SP140L: variants seen among roughly 807,000 people sequenced by gnomAD.
SP140L encodes the protein SP140 like nuclear body protein.
SP140L carries 64 observed loss-of-function variants against 84.3 expected under a neutral mutation model. The observed-to-expected ratio is 0.76, with a 90% CI of 0.62 to 0.94. The LOEUF is 0.94. Ranked by LOEUF, SP140L falls within the 40% of genes least tolerant of loss-of-function variation. The probability of loss-of-function intolerance (pLI) is 0.00; values close to 1 mark genes in which losing one functional copy is unlikely to be tolerated. For synonymous variants in SP140L, 242 were observed against 236.9 expected (o/e 1.02, Z -0.20); for missense variants, 628 against 692.5 (o/e 0.91, Z 1.05).
intron 14 of SP140L, among the ~76,000 whole-genome samples, chr2:230,398,672 GAGA>G (rs1246234671): frequency 6.6e-6 from 1 of 152,232 alleles, no homozygotes; most frequent in African/African-American, 2.4e-5. Flanking sequence ...CAGATCACGG[GAGA>G]AGGATTTCAC....
chr2:230,387,784 C>T (rs962511829), intron 9 of SP140L, among the ~76,000 whole-genome samples: 1 of 152,324 alleles, frequency 6.6e-6, no homozygotes, highest in South Asian at 2.1e-4. Context: ...GCAGTGTCTG[C>T]CATGTCAATC....
chr2:230,354,869 G>GA (rs1281592038), intron 2 of SP140L, among the ~76,000 whole-genome samples: 3 of 112,658 alleles, frequency 2.7e-5, no homozygotes, highest in East Asian at 6.6e-4. Flanking sequence ...AAGAAAGAAA[G>GA]AAAGAAAGAA....
Position 230,393,461 on chromosome 2 carries a change from G to A in SP140L, c.1155G>A (p.Lys385=), listed in dbSNP as rs1416422843. 8 of 1,570,986 alleles carry A rather than the reference G, an allele frequency of 5.1e-6. No individual in the cohort carries two copies. The highest frequency in any genetic ancestry group is 6.9e-6 in the Non-Finnish European group (8 of 1,161,084). Residue 385 remains lysine, a splice_region_variant and synonymous_variant, in exon 13 of 19, where the codon AAG becomes AAA. Coordinates refer to ENST00000415673, the MANE Select transcript of SP140L (RefSeq NM_138402.6). ...NPPRIYYRNK[K]RILKSQNNSS... is the part of the protein sequence containing the mutation. Reference sequence around the variant, plus strand: ...CAAGAATATATTACAGGAACAAAAAGGTGATTATTACATAATTTTCTACAG... The same window carrying A: ...CAAGAATATATTACAGGAACAAAAAAGTGATTATTACATAATTTTCTACAG...
intron 5 of SP140L, among the ~76,000 whole-genome samples, chr2:230,369,914 C>T (rs959096562): frequency 2.6e-5 from 4 of 152,024 alleles, no homozygotes; most frequent in South Asian, 4.1e-4. Flanking sequence ...GCTGGGATTA[C>T]AGGCGCACGC....
chr2:230,363,072 A>C (rs1157872505), intron 5 of SP140L, among the ~76,000 whole-genome samples: 5 of 152,154 alleles, frequency 3.3e-5, no homozygotes, highest in African/African-American at 1.2e-4. Flanking sequence ...TTGAGGTATT[A>C]AGTGCATTTT....
intron 2 of SP140L, among the ~76,000 whole-genome samples, chr2:230,356,186 G>T (rs988291319): frequency 6.6e-6 from 1 of 152,140 alleles, no homozygotes; most frequent in Non-Finnish European, 1.5e-5. Flanking sequence ...TGCAAAAACA[G>T]TTTGGCAGGT....
In SP140L at chr2:230,403,244, C is replaced by G. The variant is rs1335389288; in HGVS notation, c.*348C>G. On this transcript the variant is annotated 3_prime_UTR_variant, in exon 19 of 19. Transcript: ENST00000415673. The stretch of plus-strand genomic sequence containing the variant: ...TTGAGATGGAGTCTCACACAGTCAC[C>G]CGGGATTGGAATGCAATGGCGCGAT... The G allele has an allele frequency of 2.2e-5, 4 of 184,132 alleles. No homozygotes were observed. 11.4% of individuals were successfully genotyped at this position (184,132 alleles called of 1,614,324 possible).
Position 230,402,924 on chromosome 2 carries a change from A to C in SP140L, c.*28A>C. 1 of 1,570,784 alleles carries C rather than the reference A, an allele frequency of 6.4e-7. No homozygotes were observed. Among genetic ancestry groups the C allele is most frequent in the Non-Finnish European group, 8.7e-7 (1 of 1,153,264 alleles). On this transcript the variant is annotated 3_prime_UTR_variant, in exon 19 of 19. Transcript: ENST00000415673. ...GGTTTAGTGGATGCTGAAGGCCTTCAGGAAATATGCTACTGGTTGCCACTG... is the reference window on the plus strand; with the variant it reads ...GGTTTAGTGGATGCTGAAGGCCTTCCGGAAATATGCTACTGGTTGCCACTG...
intron 11 of SP140L, 36 bp from the exon 12 acceptor site, chr2:230,392,051 A>C (rs766286803): frequency 6.2e-7 from 1 of 1,612,640 alleles, no homozygotes. Context: ...GCTGGGAACA[A>C]AGAGGGCTCA....
At chr2:230,365,717 A>G (rs2060846045) in intron 5 of SP140L, among the ~76,000 whole-genome samples, 1 of 151,876 alleles carries the variant, frequency 6.6e-6, no homozygotes, top group Non-Finnish European at 1.5e-5. Context: ...CTAAGGTGTA[A>G]CATTAGGCTG....
chr2:230,391,920 C>T (rs746391890), intron 11 of SP140L, 167 bp from the exon 12 acceptor site: 5 of 864,066 alleles, frequency 5.8e-6, no homozygotes, highest in African/African-American at 3.4e-5. Context: ...TTAGAGGGGA[C>T]TTTCAGGCTG....
At chr2:230,376,631 A>G (rs1381144479) in intron 7 of SP140L, among the ~76,000 whole-genome samples, 3 of 152,216 alleles carry the variant, frequency 2.0e-5, no homozygotes, top group Non-Finnish European at 2.9e-5. Context: ...GAATATTGTT[A>G]AAATGTTCAT....
At chr2:230,358,106 G>T (rs1014306740) in intron 3 of SP140L, 139 bp downstream of exon 3, 83 of 972,204 alleles carry the variant, frequency 8.5e-5, no homozygotes, top group Non-Finnish European at 1.1e-4. Context: ...TGAGGAAATG[G>T]TGTTCCATGG....
chr2:230,397,064 G>A (rs2149823908), intron 14 of SP140L, among the ~76,000 whole-genome samples: 1 of 152,302 alleles, frequency 6.6e-6, no homozygotes, highest in Non-Finnish European at 1.5e-5. Context: ...AGTATGGGAG[G>A]CTGAGCTCTA....
intron 5 of SP140L, among the ~76,000 whole-genome samples, chr2:230,370,030 C>G (rs2061010525): frequency 1.3e-5 from 2 of 152,150 alleles, no homozygotes; most frequent in Admixed American, 6.5e-5. Flanking sequence ...CCTCAGCCTC[C>G]CAAAGTGCTG....
Position 230,389,975 on chromosome 2 carries a change from A to C in SP140L, c.916A>C (p.Thr306Pro). ...VDFQAPLLPV[T>P]CGGVKGILHK... Reference sequence around the variant, plus strand: ...TTTTCAGGCTCCTTTACTTCCAGTGACCTGTGGTGGGGTGAAGGGAATTTT... The same window carrying C: ...TTTTCAGGCTCCTTTACTTCCAGTGCCCTGTGGTGGGGTGAAGGGAATTTT... Residue 306 changes from threonine (T) to proline (P), a missense_variant, in exon 11 of 19, where the codon ACC (threonine) becomes CCC (proline). This residue lies in a region of SP140L where 525 missense variants were observed against 518.4 expected (regional missense o/e 1.01). Transcript: ENST00000415673. 6.2e-7 allele frequency: 1 copy of C among 1,613,880 alleles called. No homozygotes were observed. Among genetic ancestry groups the C allele is most frequent in the Non-Finnish European group, 8.5e-7 (1 of 1,179,822 alleles).
intron 10 of SP140L, 78 bp from the exon 11 acceptor site, chr2:230,389,841 T>C (rs2061728660): frequency 7.3e-7 from 1 of 1,364,380 alleles, no homozygotes; most frequent in African/African-American, 1.5e-5. Context: ...TCTTTGTGCC[T>C]TTATAGGATT....
chr2:230,356,751 T>C (rs2060561183), intron 2 of SP140L, among the ~76,000 whole-genome samples: 1 of 152,228 alleles, frequency 6.6e-6, no homozygotes, highest in Non-Finnish European at 1.5e-5. Context: ...GAGCATCCCC[T>C]ACCTACTATT....
chr2:230,399,226 T>C (rs1351757351), intron 14 of SP140L, among the ~76,000 whole-genome samples: 2 of 152,242 alleles, frequency 1.3e-5, no homozygotes, highest in Non-Finnish European at 2.9e-5. Context: ...TTTTAATGAC[T>C]GGGATTTGTT....
Sources: allele counts gnomAD v4.1 joint callset (sites outside exome capture counted in the v4.1 genomes callset), GRCh38; gene constraint gnomAD v4.1.1; regional missense constraint gnomAD v4.1.1; transcripts MANE v1.5; gene names NCBI Gene and HGNC (gene_info 2026-07-23, HGNC 2026-07-21).